Variants in SORBS2 observed in about 807,000 individuals in gnomAD.
The protein encoded by SORBS2 is sorbin and SH3 domain containing 2.
In SORBS2, 46 loss-of-function variants were observed where a neutral mutation model predicts 97.7. The ratio of observed to expected loss-of-function variants is 0.47; its 90% CI spans 0.37 to 0.60. The LOEUF is 0.60. Among genes scored for constraint, SORBS2 ranks in the 20% least tolerant of loss-of-function variants. SORBS2 has a pLI of 0.00. For missense variants in SORBS2, 1,316 were observed against 1,282.3 expected (o/e 1.03, Z -0.40); for synonymous variants, 476 against 473.4 (o/e 1.01, Z -0.07).
chr4:185,912,767 T>C (rs2099256024), intron 1 of SORBS2, among the ~76,000 whole-genome samples: 1 of 152,160 alleles, frequency 6.6e-6, no homozygotes. Context: ...TAAACTTACA[T>C]TTTTTGCTCT....
chr4:185,633,295 T>C (rs1408266801), intron 4 of SORBS2, among the ~76,000 whole-genome samples: 1 of 152,170 alleles, frequency 6.6e-6, no homozygotes, highest in Non-Finnish European at 1.5e-5. Flanking sequence ...AACAAAAGGT[T>C]ATTAAAGACA....
At chr4:185,947,680 A>C (rs550817568) in intron 1 of SORBS2, among the ~76,000 whole-genome samples, 2 of 152,106 alleles carry the variant, frequency 1.3e-5, no homozygotes, top group Admixed American at 1.3e-4. Flanking sequence ...GGTGTGGTCT[A>C]GCTTACTGCA....
intron 1 of SORBS2, among the ~76,000 whole-genome samples, chr4:185,850,376 C>T (rs1193108587): frequency 6.6e-6 from 1 of 152,094 alleles, no homozygotes; most frequent in Non-Finnish European, 1.5e-5. Flanking sequence ...GAGAGTCTAA[C>T]AATTTTACAA....
intron 2 of SORBS2, among the ~76,000 whole-genome samples, chr4:185,711,276 C>A (rs1466650887): frequency 6.6e-6 from 1 of 152,168 alleles, no homozygotes; most frequent in African/African-American, 2.4e-5. Flanking sequence ...CAGGCATGAG[C>A]CACTATGCCT....
rs141248214 is a variant in SORBS2 at position 185,874,762 on chromosome 4, C to CTGGAATTGTGGAATTG, written c.-338+81433_-338+81434insCAATTCCACAATTCCA. Reference sequence around the variant, plus strand: ...CTAACCTTCCATTAGTTGTCCTTGGCTGGAATTGTGTGAGTGACCTTGCTC... The same window carrying CTGGAATTGTGGAATTG: ...CTAACCTTCCATTAGTTGTCCTTGGCTGGAATTGTGGAATTGTGGAATTGTGTGAGTGACCTTGCTC... On this transcript the variant is annotated intron_variant, in intron 1 of 20. Transcript: ENST00000284776. Among the ~76,000 whole-genome samples the CTGGAATTGTGGAATTG allele has an allele frequency of 4.6e-5, 7 of 151,658 alleles. No homozygotes were observed. The South Asian group carries it at 1.5e-3, about 32-fold the overall frequency.
At chr4:185,644,272 C>T (rs187604822) in intron 4 of SORBS2, among the ~76,000 whole-genome samples, 4 of 152,288 alleles carry the variant, frequency 2.6e-5, no homozygotes, top group Middle Eastern at 6.8e-3. Flanking sequence ...GCTGCAGAGA[C>T]CTATCCACAC....
chr4:185,774,867 T>TC (rs2098992332), intron 2 of SORBS2: 1 of 63,746 alleles, frequency 1.6e-5, no homozygotes, highest in Non-Finnish European at 3.6e-5. Flanking sequence ...ATCTTTTTCC[T>TC]CTTTTTTTTT....
chr4:185,892,268 G>GA (rs1276242387), intron 1 of SORBS2, among the ~76,000 whole-genome samples: 4 of 152,334 alleles, frequency 2.6e-5, no homozygotes, highest in Non-Finnish European at 5.9e-5. Context: ...ATCCAGCTAT[G>GA]AAGGAACTTG....
At chr4:185,591,142 C>T (rs1158895603) in intron 13 of SORBS2, among the ~76,000 whole-genome samples, 1 of 152,122 alleles carries the variant, frequency 6.6e-6, no homozygotes, top group Non-Finnish European at 1.5e-5. Context: ...TACTGGCTTC[C>T]CCCCGTTCAT....
chr4:185,853,915 A>G (rs1287336000), intron 1 of SORBS2, among the ~76,000 whole-genome samples: 4 of 152,190 alleles, frequency 2.6e-5, no homozygotes, highest in Admixed American at 2.6e-4. Context: ...CAAATGGATG[A>G]AGGAAATAAA....
chr4:185,628,827 A>G (rs1486380759), intron 5 of SORBS2, among the ~76,000 whole-genome samples: 1 of 152,196 alleles, frequency 6.6e-6, no homozygotes, highest in Non-Finnish European at 1.5e-5. Context: ...CAGTTGCATA[A>G]AATACTGTCA....
intron 1 of SORBS2, among the ~76,000 whole-genome samples, chr4:185,826,785 G>A (rs960073557): frequency 6.6e-6 from 1 of 152,140 alleles, no homozygotes; most frequent in African/African-American, 2.4e-5. Context: ...CAGAAGACAG[G>A]ATTTACTATA....
chr4:185,887,040 A>T (rs1038356555), intron 1 of SORBS2, among the ~76,000 whole-genome samples: 1 of 152,164 alleles, frequency 6.6e-6, no homozygotes, highest in African/African-American at 2.4e-5. Context: ...TTGAGAGGTG[A>T]GGCTGGCTTT....
chr4:185,828,048 C>T (rs1585262908), intron 1 of SORBS2, among the ~76,000 whole-genome samples: 2 of 151,096 alleles, frequency 1.3e-5, no homozygotes, highest in Admixed American at 6.6e-5. Flanking sequence ...TCATCACCAT[C>T]ATCATCCTCT....
intron 12 of SORBS2, among the ~76,000 whole-genome samples, chr4:185,608,479 G>A (rs2096473041): frequency 6.7e-6 from 1 of 148,908 alleles, no homozygotes; most frequent in Non-Finnish European, 1.5e-5. Context: ...GAGGAGGTAT[G>A]AGTTATGAAG....
intron 2 of SORBS2, among the ~76,000 whole-genome samples, chr4:185,711,353 A>G (rs2098419226): frequency 6.6e-6 from 1 of 152,202 alleles, no homozygotes; most frequent in African/African-American, 2.4e-5. Context: ...CAATTAAACA[A>G]GATAGTAATT....
At chr4:185,811,057 A>G (rs956955618) in intron 1 of SORBS2, 2 of 152,138 alleles carry the variant, frequency 1.3e-5, no homozygotes, top group African/African-American at 4.8e-5. Flanking sequence ...GATACTCGGA[A>G]AGGAGGTGTG....
chr4:185,600,434 G>T (rs1580643777), intron 12 of SORBS2, among the ~76,000 whole-genome samples: 1 of 152,302 alleles, frequency 6.6e-6, no homozygotes, highest in African/African-American at 2.4e-5. Context: ...CATCTCCCGG[G>T]TTCGAGCGAT....
intron 13 of SORBS2, 153 bp downstream of exon 25, chr4:185,593,733 G>A: frequency 1.6e-6 from 1 of 614,630 alleles, no homozygotes; most frequent in Non-Finnish European, 2.9e-6. Context: ...TGTCATAAAA[G>A]ATGGAGAGAC....
Sources: allele counts gnomAD v4.1 joint callset (sites outside exome capture counted in the v4.1 genomes callset), GRCh38; gene constraint gnomAD v4.1.1; transcripts MANE v1.5; gene names NCBI Gene and HGNC (gene_info 2026-07-23, HGNC 2026-07-21).